The following ATP2B2 variants were observed in gnomAD, a reference collection of about 807,000 sequenced individuals.
ATP2B2 encodes the protein plasma membrane calcium-transporting ATPase 2.
A neutral mutation model predicts 120.0 loss-of-function variants in ATP2B2; 15 were observed. The ratio of observed to expected loss-of-function variants is 0.12; its 90% CI spans 0.08 to 0.19. ATP2B2 has a LOEUF of 0.19. ATP2B2 is among the 10% of genes least tolerant of loss of function. The pLI is 1.00. For synonymous variants in ATP2B2, 694 were observed against 700.3 expected (o/e 0.99, Z 0.14); for missense variants, 1,045 against 1,719.8 (o/e 0.61, Z 6.94).
intron 1 of ATP2B2, among the ~76,000 whole-genome samples, chr3:10,683,823 C>T (rs891885618): frequency 3.8e-5 from 5 of 133,220 alleles, no homozygotes; most frequent in Admixed American, 7.7e-5. Context: ...GACAGGGTCT[C>T]GCTCTGTTAC....
intron 2 of ATP2B2, among the ~76,000 whole-genome samples, chr3:10,555,280 A>C (rs2067754768): frequency 6.6e-6 from 1 of 152,166 alleles, no homozygotes. Flanking sequence ...CCTTCTTTGG[A>C]ATCTGAGGGC....
chr3:10,690,201 AG>A (rs1234214052), intron 1 of ATP2B2, among the ~76,000 whole-genome samples: 1 of 150,788 alleles, frequency 6.6e-6, no homozygotes, highest in East Asian at 1.9e-4. Flanking sequence ...GGCTTGACAT[AG>A]GGGGGGACAA....
intron 2 of ATP2B2, among the ~76,000 whole-genome samples, chr3:10,416,815 G>A (rs1213109120): frequency 6.6e-6 from 1 of 152,000 alleles, no homozygotes; most frequent in Non-Finnish European, 1.5e-5. Flanking sequence ...AAATGCAAAC[G>A]GGGAGGGCAG....
At chr3:10,492,157 T>C (rs995165456) in intron 1 of ATP2B2, among the ~76,000 whole-genome samples, 4 of 152,168 alleles carry the variant, frequency 2.6e-5, no homozygotes, top group African/African-American at 9.7e-5. Context: ...TGCTGCCTGG[T>C]TTCTTTTCTG....
chr3:10,350,463 C>G lies in ATP2B2; in HGVS notation c.2251G>C (p.Gly751Arg). ...CCCTCGAGGCACAGAAAGTCCTCCCCAGGATGGATGATGCCACACTTGATG... is the reference window on the plus strand; with the variant it reads ...CCCTCGAGGCACAGAAAGTCCTCCCGAGGATGGATGATGCCACACTTGATG... The part of the protein sequence containing the change: ...IAIKCGIIHP[G>R]EDFLCLEGKE... Residue 751 changes from glycine to arginine, a missense_variant, in exon 15 of 23, where the codon GGG becomes CGG. Transcript: ENST00000360273. 6.2e-7 allele frequency: 1 copy of G among 1,614,242 alleles called. No homozygotes were observed. The highest frequency in any genetic ancestry group is 8.5e-7 in the Non-Finnish European group (1 of 1,180,048).
intron 2 of ATP2B2, chr3:10,534,170 G>A (rs911885197): frequency 2.6e-5 from 4 of 152,654 alleles, no homozygotes; most frequent in African/African-American, 9.6e-5. Flanking sequence ...TTAGGGGTGG[G>A]TGACATGACA....
At chr3:10,433,761 C>T (rs950580036) in intron 2 of ATP2B2, among the ~76,000 whole-genome samples, 4 of 152,188 alleles carry the variant, frequency 2.6e-5, no homozygotes, top group East Asian at 3.8e-4. Flanking sequence ...GCACCCAGCA[C>T]GTCAGCTGAT....
chr3:10,540,925 C>T (rs2067425125), intron 2 of ATP2B2, among the ~76,000 whole-genome samples: 1 of 149,856 alleles, frequency 6.7e-6, no homozygotes, highest in African/African-American at 2.5e-5. Flanking sequence ...TTAAAAATTA[C>T]AAATTCAATT....
intron 5 of ATP2B2, among the ~76,000 whole-genome samples, chr3:10,399,198 T>G (rs1314783585): frequency 1.3e-5 from 2 of 152,212 alleles, no homozygotes; most frequent in Admixed American, 6.5e-5. Context: ...ATGCTCTGTC[T>G]GTCAACCACT....
intron 14 of ATP2B2, among the ~76,000 whole-genome samples, chr3:10,352,538 GT>G (rs934111864): frequency 6.6e-6 from 1 of 152,224 alleles, no homozygotes; most frequent in Non-Finnish European, 1.5e-5. Context: ...TTGTTGAAGG[GT>G]TAGAGCAGGG....
chr3:10,571,442 T>C (rs1288917033), intron 2 of ATP2B2, among the ~76,000 whole-genome samples: 1 of 152,038 alleles, frequency 6.6e-6, no homozygotes, highest in Non-Finnish European at 1.5e-5. Context: ...TCCCTAGAGG[T>C]AGGTTGCCTG....
intron 2 of ATP2B2, among the ~76,000 whole-genome samples, chr3:10,582,400 C>A (rs1286991361): frequency 6.6e-6 from 1 of 152,206 alleles, no homozygotes; most frequent in Non-Finnish European, 1.5e-5. Context: ...CACACAGGGA[C>A]ACCTGATACC....
At chr3:10,404,848 A>T (rs1040747403) in intron 3 of ATP2B2, among the ~76,000 whole-genome samples, 45 of 152,170 alleles carry the variant, frequency 3.0e-4, no homozygotes, top group African/African-American at 1.0e-3. Flanking sequence ...TGGAGGGGGA[A>T]GGAGTGGGAT....
intron 3 of ATP2B2, among the ~76,000 whole-genome samples, chr3:10,527,759 G>T (rs554409142): frequency 3.9e-5 from 6 of 152,336 alleles, no homozygotes; most frequent in Middle Eastern, 3.4e-3. Flanking sequence ...GCCAGAGATG[G>T]CGGTGAATCA....
At chr3:10,530,141 C>T (rs770302069) in intron 3 of ATP2B2, among the ~76,000 whole-genome samples, 11 of 152,138 alleles carry the variant, frequency 7.2e-5, no homozygotes, top group Admixed American at 2.0e-4. Context: ...TGGCTGAGAG[C>T]GACCGACACA....
At chr3:10,414,093 G>T (rs1179735143) in intron 2 of ATP2B2, among the ~76,000 whole-genome samples, 1 of 152,142 alleles carries the variant, frequency 6.6e-6, no homozygotes, top group East Asian at 1.9e-4. Context: ...GGTTTTCCTG[G>T]GGTCTGTTTT....
intron 2 of ATP2B2, among the ~76,000 whole-genome samples, chr3:10,421,884 C>A (rs1045310865): frequency 1.3e-5 from 2 of 152,208 alleles, no homozygotes; most frequent in African/African-American, 4.8e-5. Flanking sequence ...CCCAGAAGAA[C>A]ATTTACTATC....
chr3:10,388,207 G>A, intron 6 of ATP2B2, 70 bp downstream of exon 6: 1 of 1,607,588 alleles, frequency 6.2e-7, no homozygotes, highest in South Asian at 1.1e-5. Flanking sequence ...TTTGTTGAGT[G>A]AACAAATAAA....
intron 2 of ATP2B2, among the ~76,000 whole-genome samples, chr3:10,572,387 A>G (rs145620761): frequency 9.5e-4 from 145 of 152,322 alleles, no homozygotes; most frequent in Middle Eastern, 6.8e-3. Flanking sequence ...CTTAGACAAG[A>G]GTTTCAGTTG....
Sources: allele counts gnomAD v4.1 joint callset (sites outside exome capture counted in the v4.1 genomes callset), GRCh38; gene constraint gnomAD v4.1.1; transcripts MANE v1.5; gene names NCBI Gene and HGNC (gene_info 2026-07-23, HGNC 2026-07-21).